Variants in NIN observed in about 807,000 individuals in gnomAD.
NIN encodes glycogen synthase kinase 3 beta-interacting protein.
In NIN, 137 loss-of-function variants were observed where a neutral mutation model predicts 257.6. The ratio of observed to expected loss-of-function variants is 0.53; its 90% CI spans 0.46 to 0.61. NIN has a LOEUF of 0.61. Among genes scored for constraint, NIN ranks in the 20% least tolerant of loss-of-function variants. NIN has a pLI of 0.00. For synonymous variants in NIN, 918 were observed against 919.8 expected, an observed-to-expected ratio of 1.00 and a Z score of 0.04; for missense variants, 2,439 against 2,501.2, an observed-to-expected ratio of 0.98 and a Z score of 0.53.
chr14:50,722,557 G>A lies in NIN; in HGVS notation c.*906C>T, dbSNP rs894772167. 4.8e-6 allele frequency: 1 copy of A among 210,240 alleles called. No homozygotes were observed. Among genetic ancestry groups the A allele is most frequent in the African/African-American group, 2.3e-5 (1 of 44,058 alleles). 13.0% of individuals were successfully genotyped at this position (210,240 alleles called of 1,614,324 possible). On this transcript the variant is annotated 3_prime_UTR_variant, in exon 31 of 31. Coordinates refer to ENST00000530997, the MANE Select transcript of NIN (RefSeq NM_020921.4). ...GTTCAGGAAGACAGTTTACAGTATTGTTCCCTGAGTTCTTGAGGCAACCTC... is the reference window on the plus strand; with the variant it reads ...GTTCAGGAAGACAGTTTACAGTATTATTCCCTGAGTTCTTGAGGCAACCTC...
chr14:50,783,185 C>T (rs1294180704), intron 5 of NIN, among the ~76,000 whole-genome samples: 1 of 151,868 alleles, frequency 6.6e-6, no homozygotes, highest in Non-Finnish European at 1.5e-5. Context: ...CGCTGACCCA[C>T]CTACAGATGC....
intron 3 of NIN, among the ~76,000 whole-genome samples, chr14:50,815,618 T>C (rs1203768352): frequency 1.3e-5 from 2 of 152,174 alleles, no homozygotes; most frequent in Non-Finnish European, 2.9e-5. Context: ...CTATTCACAA[T>C]AGCAAAGACA....
In NIN at chr14:50,773,009, T is replaced by C; in HGVS notation, c.753A>G (p.Lys251=). Residue 251 remains lysine (K), a synonymous_variant, in exon 8 of 31, where the codon AAA becomes AAG. Transcript: ENST00000530997. ...DFFYGLFKNG[K]SLTPSASTPY... is the part of the protein sequence containing the mutation. ...GAGTAGATGCTGATGGTGTAAGAGA[T>C]TTTCCATTTTTAAACAAACCATAGA... 1.9e-6 allele frequency: 3 copies of C among 1,613,374 alleles called. No individual in the cohort carries two copies. Among genetic ancestry groups the C allele is most frequent in the Non-Finnish European group, 2.5e-6 (3 of 1,179,428 alleles).
rs60915262 is a variant in NIN, at chr14:50,800,946, C to T, written c.265+5791G>A. Among the ~76,000 whole-genome samples, 754 of 152,074 alleles carry T rather than the reference C, an allele frequency of 5.0e-3. 11 individuals carry two copies. Among genetic ancestry groups the T allele is most frequent in the African/African-American group, 0.017 (712 of 41,486 alleles). ...TACAAGCGTGCACCACCACGCCCAG[C>T]TAATTTTTGTATTCTTTAGTAGAGA... On this transcript the variant is annotated intron_variant, in intron 4 of 30. Transcript: ENST00000530997.
In NIN at chr14:50,772,987, T is replaced by A; in HGVS notation, c.775A>T (p.Thr259Ser). Reference sequence around the variant, plus strand: ...TGCCTTTTTAGTTGTCTATATGGAGTAGATGCTGATGGTGTAAGAGATTTT... The same window carrying A: ...TGCCTTTTTAGTTGTCTATATGGAGAAGATGCTGATGGTGTAAGAGATTTT... Reference protein sequence around the residue: ...NGKSLTPSASTPYRQLKRHLS... With the variant: ...NGKSLTPSASSPYRQLKRHLS... Residue 259 changes from threonine to serine, a missense_variant, in exon 8 of 31, where the codon ACT (threonine) becomes TCT (serine). Thr to Ser is a moderately conservative substitution (Grantham distance 58, BLOSUM62 1). This residue lies in a region of NIN where 387 missense variants were observed against 427.3 expected (regional missense o/e 0.91). Transcript: ENST00000530997. 1 of 1,613,386 alleles carries A rather than the reference T, an allele frequency of 6.2e-7. No individual in the cohort carries two copies. Among genetic ancestry groups the A allele is most frequent in the Non-Finnish European group, 8.5e-7 (1 of 1,179,464 alleles).
chr14:50,796,098 AT>A (rs2043826553), intron 4 of NIN, among the ~76,000 whole-genome samples: 1 of 152,222 alleles, frequency 6.6e-6, no homozygotes. Context: ...TTCTCCCTGG[AT>A]TGTTAAGCTT....
intron 3 of NIN, among the ~76,000 whole-genome samples, chr14:50,814,546 T>A (rs1034043076): frequency 1.3e-5 from 2 of 152,144 alleles, no homozygotes; most frequent in African/African-American, 4.8e-5. Context: ...AGATAACGTG[T>A]TCATATGGTT....
intron 28 of NIN, 66 bp from the exon 29 acceptor site, chr14:50,729,789 G>T: frequency 8.0e-7 from 1 of 1,245,746 alleles, no homozygotes; most frequent in African/African-American, 1.5e-5. Context: ...CCTTTATGGT[G>T]TCAGGCAGTG....
At chr14:50,806,921 T>C (rs2142204271) in intron 3 of NIN, 103 bp from the exon 4 acceptor site, 1 of 546,804 alleles carries the variant, frequency 1.8e-6, no homozygotes, top group East Asian at 3.2e-5. Context: ...CTGACAGCCT[T>C]GAAGTGAGTC....
At chr14:50,791,810 C>CACACAAACAA (rs372424348) in intron 5 of NIN, among the ~76,000 whole-genome samples, 1 of 140,034 alleles carries the variant, frequency 7.1e-6, no homozygotes, top group African/African-American at 3.0e-5. Flanking sequence ...TGCACGCGCA[C>CACACAAACAA]ACACACACAC....
chr14:50,805,122 A>C (rs1177844272), intron 4 of NIN, among the ~76,000 whole-genome samples: 1 of 152,256 alleles, frequency 6.6e-6, no homozygotes, highest in Non-Finnish European at 1.5e-5. Flanking sequence ...AATCCACATA[A>C]AAGCACATTA....
At chr14:50,732,326 G>GT in intron 28 of NIN, among the ~76,000 whole-genome samples, 1 of 152,298 alleles carries the variant, frequency 6.6e-6, no homozygotes, top group South Asian at 2.1e-4. Context: ...CCCCAATCAG[G>GT]TAAGAATCCC....
chr14:50,828,189 T>C (rs1014542532), intron 2 of NIN, among the ~76,000 whole-genome samples: 9 of 152,162 alleles, frequency 5.9e-5, no homozygotes, highest in African/African-American at 2.2e-4. Flanking sequence ...CCTGAGGCTA[T>C]GAGTATGGTA....
At chr14:50,756,421 G>T in intron 18 of NIN, 71 bp downstream of exon 18, 1 of 1,491,290 alleles carries the variant, frequency 6.7e-7, no homozygotes, top group Non-Finnish European at 8.9e-7. Context: ...TCTAGGCACG[G>T]CAAGCAGTGG....
chr14:50,792,547 A>G (rs1404405033), intron 5 of NIN, 165 bp downstream of exon 5: 1 of 687,340 alleles, frequency 1.5e-6, no homozygotes, highest in East Asian at 2.7e-5. Flanking sequence ...AAAGATAGAA[A>G]CATTATATAT....
At position 50,759,937 on chromosome 14, in the gene NIN, C is replaced by T; in HGVS notation, c.2319G>A (p.Leu773=). ...EQFHQEQLTS[L]VEKHTLEKEE... ...CTTTCTCAAGAGTGTGTTTCTCCAC[C>T]AGGCTTGTCAGCTGCTCCTGGTGAA... is the stretch of plus-strand genomic sequence containing the variant. The change falls in exon 17 of 31, where the codon CTG becomes CTA. Residue 773 remains leucine (L), a synonymous_variant. Transcript: ENST00000530997. 6.2e-7 allele frequency: 1 copy of T among 1,614,132 alleles called. No individual in the cohort carries two copies. Among genetic ancestry groups the T allele is most frequent in the Non-Finnish European group, 8.5e-7 (1 of 1,180,026 alleles).
At position 50,773,048 on chromosome 14, in the gene NIN, A is replaced by G. The variant is rs1222796359; in HGVS notation, c.714T>C (p.Ser238=). 1 of 1,613,016 alleles carries G rather than the reference A, an allele frequency of 6.2e-7. No homozygotes were observed. The highest frequency in any genetic ancestry group is 8.5e-7 in the Non-Finnish European group (1 of 1,179,110). The change falls in exon 8 of 31, where the codon AGT becomes AGC. Residue 238 remains serine, a synonymous_variant. Transcript: ENST00000530997. ...ACAAACCATAGAAAAAATCTTCTAC[A>G]CTCATTGTACCGTCAGGATCAAGAT... The part of the protein sequence containing the change: ...FHNLDPDGTM[S]VEDFFYGLFK...
chr14:50,777,164 G>T, intron 6 of NIN, 25 bp from the exon 7 acceptor site: 2 of 1,525,198 alleles, frequency 1.3e-6, no homozygotes, highest in Non-Finnish European at 1.8e-6. Context: ...TATGTTGCAC[G>T]GTTTCCAAAG....
At position 50,770,974 on chromosome 14, in the gene NIN, C is replaced by T. The variant is rs1404561324; in HGVS notation, c.1137G>A (p.Val379=). Residue 379 remains valine (V), a synonymous_variant, in exon 11 of 31, where the codon GTG becomes GTA. Coordinates refer to ENST00000530997, the MANE Select transcript of NIN (RefSeq NM_020921.4). ...ACCGTAGCTTCTCTTTTTCTCTGAC[C>T]ACCTGATCAACTCGTTCCCTAGGAT... The part of the protein sequence containing the change: ...IRHLLERVDQ[V]VREKEKLRSD... The T allele has an allele frequency of 6.2e-7, 1 of 1,614,062 alleles. No individual in the cohort carries two copies. Among genetic ancestry groups the T allele is most frequent in the Non-Finnish European group, 8.5e-7 (1 of 1,179,980 alleles).
Sources: allele counts gnomAD v4.1 joint callset (sites outside exome capture counted in the v4.1 genomes callset), GRCh38; gene constraint gnomAD v4.1.1; regional missense constraint gnomAD v4.1.1; transcripts MANE v1.5; gene names NCBI Gene and HGNC (gene_info 2026-07-23, HGNC 2026-07-21).